Variants in PREX2 observed in about 807,000 individuals in gnomAD.
The protein encoded by PREX2 is phosphatidylinositol-3,4,5-trisphosphate dependent Rac exchange factor 2, also known as phosphatidylinositol 3,4,5-trisphosphate-dependent Rac exchanger 2 protein.
A neutral mutation model predicts 203.2 loss-of-function variants in PREX2; 107 were observed. The observed-to-expected ratio is 0.53, with a 90% CI of 0.45 to 0.62. PREX2 has a LOEUF of 0.62. PREX2 is among the 20% of genes least tolerant of loss of function. The probability of loss-of-function intolerance (pLI) is 0.00; values close to 1 mark genes in which losing one functional copy is unlikely to be tolerated. For missense variants in PREX2, 1,777 were observed against 1,955.9 expected (o/e 0.91, Z 1.72); for synonymous variants, 672 against 663.6 (o/e 1.01, Z -0.19).
chr8:68,193,577 CA>C (rs1169011331), intron 37 of PREX2, among the ~76,000 whole-genome samples: 1 of 151,322 alleles, frequency 6.6e-6, no homozygotes, highest in Non-Finnish European at 1.5e-5. Context: ...GAAGAGCAAG[CA>C]AAAAAAATTT....
At chr8:68,091,579 A>C (rs1045867065) in intron 20 of PREX2, among the ~76,000 whole-genome samples, 1 of 152,214 alleles carries the variant, frequency 6.6e-6, no homozygotes, top group Non-Finnish European at 1.5e-5. Flanking sequence ...CTGAATCTAC[A>C]TGAAAATAAC....
Position 68,099,729 on chromosome 8 carries a change from T to A in PREX2, c.2601T>A (p.Cys867Ter). Residue 867 changes from cysteine (C) to a stop codon, truncating the protein, a stop_gained, in exon 23 of 40, where the codon TGT (cysteine) becomes TGA (stop). Transcript: ENST00000288368. LOFTEE classifies it high-confidence loss of function. ...AKSDEHFVQN[C>*]TSLNSLNEVI... ...GTGATGAGCATTTTGTACAAAACTG[T>A]ACCAGCCTAAATTCTCTAAATGAAG... 6.2e-7 allele frequency: 1 copy of A among 1,614,064 alleles called. No individual in the cohort carries two copies. The highest frequency in any genetic ancestry group is 1.1e-5 in the South Asian group (1 of 91,076).
rs1809230726 is a variant in PREX2, at chr8:68,072,585, A to G, written c.1569+15A>G. ...TAATTGCACAGGTAAATAGACAAAT[A>G]GAAGTTGCTGAGTTTCACTTGCTGC... is the stretch of plus-strand genomic sequence containing the variant. On this transcript the variant is annotated intron_variant, in intron 14 of 39. Transcript: ENST00000288368. The G allele has an allele frequency of 1.3e-6, 2 of 1,483,578 alleles. No individual in the cohort carries two copies. Among genetic ancestry groups the G allele is most frequent in the African/African-American group, 2.8e-5 (2 of 71,974 alleles). 91.9% of individuals were successfully genotyped at this position (1,483,578 alleles called of 1,614,324 possible).
At chr8:67,998,344 C>G (rs1340271133) in intron 1 of PREX2, among the ~76,000 whole-genome samples, 2 of 152,210 alleles carry the variant, frequency 1.3e-5, no homozygotes, top group African/African-American at 2.4e-5. Flanking sequence ...CATGGGGGAC[C>G]TTTCTTATTT....
intron 4 of PREX2, among the ~76,000 whole-genome samples, chr8:68,025,859 A>G (rs1300914249): frequency 1.3e-5 from 2 of 152,114 alleles, no homozygotes; most frequent in African/African-American, 2.4e-5. Context: ...TGAGTTCGCA[A>G]TCTATACAGT....
intron 37 of PREX2, among the ~76,000 whole-genome samples, chr8:68,196,732 CCA>C (rs979357768): frequency 2.7e-4 from 41 of 150,674 alleles, no homozygotes; most frequent in African/African-American, 8.9e-4. Flanking sequence ...CCTCCCCCCC[CCA>C]ACTCTCTCTT....
chr8:68,083,655 G>C (rs1389770078), intron 18 of PREX2, among the ~76,000 whole-genome samples: 1 of 152,092 alleles, frequency 6.6e-6, no homozygotes, highest in African/African-American at 2.4e-5. Context: ...GTTGAATTGG[G>C]TTTTACTATG....
At chr8:68,007,597 T>A (rs1807131682) in intron 1 of PREX2, among the ~76,000 whole-genome samples, 1 of 152,154 alleles carries the variant, frequency 6.6e-6, no homozygotes, top group South Asian at 2.1e-4. Context: ...ACATTGACAC[T>A]CGATGTACCA....
intron 18 of PREX2, among the ~76,000 whole-genome samples, chr8:68,086,072 G>C (rs1809679885): frequency 6.6e-6 from 1 of 152,120 alleles, no homozygotes; most frequent in South Asian, 2.1e-4. Flanking sequence ...GACAAACACT[G>C]ATAACTATGT....
chr8:68,117,350 T>C (rs931314843), intron 26 of PREX2, among the ~76,000 whole-genome samples: 2 of 152,222 alleles, frequency 1.3e-5, no homozygotes, highest in African/African-American at 4.8e-5. Flanking sequence ...CACTCTACTA[T>C]TCCAATTTCT....
chr8:68,043,303 A>T (rs1376213670), intron 7 of PREX2, among the ~76,000 whole-genome samples: 8 of 152,150 alleles, frequency 5.3e-5, no homozygotes, highest in African/African-American at 1.9e-4. Flanking sequence ...AGTCAGACTA[A>T]TGAATCGATT....
intron 23 of PREX2, among the ~76,000 whole-genome samples, chr8:68,102,424 C>T (rs950568946): frequency 2.0e-5 from 3 of 152,086 alleles, no homozygotes; most frequent in African/African-American, 7.2e-5. Flanking sequence ...GATAGAGAAG[C>T]AAGGTTAGCA....
At chr8:68,002,459 G>A (rs1042569893) in intron 1 of PREX2, among the ~76,000 whole-genome samples, 4 of 152,156 alleles carry the variant, frequency 2.6e-5, no homozygotes, top group South Asian at 2.1e-4. Context: ...TCCCAAAGGC[G>A]TGAGCCACTG....
chr8:68,201,128 C>T (rs1261062816), intron 37 of PREX2, among the ~76,000 whole-genome samples: 1 of 151,796 alleles, frequency 6.6e-6, no homozygotes, highest in East Asian at 1.9e-4. Flanking sequence ...AATAAAAATT[C>T]CAGTCATTTT....
chr8:67,986,658 A>G, intron 1 of PREX2, among the ~76,000 whole-genome samples: 1 of 152,188 alleles, frequency 6.6e-6, no homozygotes, highest in East Asian at 1.9e-4. Flanking sequence ...GGGCTTGATT[A>G]TGAGTTGCTG....
intron 35 of PREX2, among the ~76,000 whole-genome samples, chr8:68,176,529 C>G (rs115597362): frequency 1.3e-5 from 2 of 152,030 alleles, no homozygotes; most frequent in African/African-American, 2.4e-5. Flanking sequence ...TAAGAAATTG[C>G]CCCCAACAGG....
intron 1 of PREX2, among the ~76,000 whole-genome samples, chr8:67,993,472 T>C (rs1806671212): frequency 6.7e-6 from 1 of 150,262 alleles, no homozygotes; most frequent in South Asian, 2.1e-4. Flanking sequence ...AGTGGTGTGG[T>C]GTCAGCTCAC....
chr8:68,041,103 A>C (rs1273367515), intron 7 of PREX2, among the ~76,000 whole-genome samples: 2 of 152,156 alleles, frequency 1.3e-5, no homozygotes, highest in African/African-American at 4.8e-5. Flanking sequence ...CATATATAGG[A>C]CACATTTGTT....
At chr8:68,002,952 A>G (rs1005103200) in intron 1 of PREX2, among the ~76,000 whole-genome samples, 7 of 152,170 alleles carry the variant, frequency 4.6e-5, no homozygotes, top group African/African-American at 1.4e-4. Flanking sequence ...TCATATTTCA[A>G]TATTGTACAG....
Sources: gnomAD v4.1 joint callset for allele counts (sites outside exome capture counted in the v4.1 genomes callset) on GRCh38, gnomAD v4.1.1 for gene constraint, MANE v1.5 for transcripts, NCBI Gene and HGNC (gene_info 2026-07-23, HGNC 2026-07-21) for gene names.